INPP5A: variants seen among roughly 807,000 people sequenced by gnomAD.
INPP5A encodes inositol polyphosphate-5-phosphatase A.
INPP5A carries 14 observed loss-of-function variants against 65.2 expected under a neutral mutation model. The observed-to-expected ratio is 0.21, with a 90% confidence interval of 0.14 to 0.34. The LOEUF (loss-of-function observed/expected upper bound fraction) is 0.34, where lower values mean the gene tolerates loss of function less well. Ranked by LOEUF, INPP5A falls within the 10% of genes least tolerant of loss-of-function variation. The pLI, the probability that INPP5A is intolerant of heterozygous loss-of-function variation, is 1.00. For synonymous variants in INPP5A, 207 were observed against 208.3 expected, an observed-to-expected ratio of 0.99 and a Z score of 0.05; for missense variants, 431 against 545.6, an observed-to-expected ratio of 0.79 and a Z score of 2.09.
intron 5 of INPP5A, among the ~76,000 whole-genome samples, chr10:132,691,830 T>TCGCGGGAGACGTGC (rs1845270232): frequency 1.4e-5 from 2 of 145,152 alleles, no homozygotes; most frequent in South Asian, 2.1e-4. Flanking sequence ...GGGAGACGTG[T>TCGCGGGAGACGTGC]GGTCGCGGGA....
At chr10:132,713,272 C>T (rs1845682438) in intron 8 of INPP5A, among the ~76,000 whole-genome samples, 1 of 152,000 alleles carries the variant, frequency 6.6e-6, no homozygotes, top group South Asian at 2.1e-4. Context: ...AAGTGTGTAC[C>T]TGTCATAGCT....
chr10:132,765,202 G>A (rs1466939443), intron 11 of INPP5A, among the ~76,000 whole-genome samples: 2 of 152,204 alleles, frequency 1.3e-5, no homozygotes, highest in Non-Finnish European at 2.9e-5. Context: ...TGCAGGTGTG[G>A]GAGGTGATGC....
chr10:132,712,394 C>T (rs556806268), intron 8 of INPP5A, among the ~76,000 whole-genome samples: 7 of 151,236 alleles, frequency 4.6e-5, no homozygotes, highest in Admixed American at 1.3e-4. Flanking sequence ...CTTGTGTGTG[C>T]ATGTGTGGGT....
chr10:132,588,221 G>C (rs572467282), intron 1 of INPP5A, among the ~76,000 whole-genome samples: 2 of 152,330 alleles, frequency 1.3e-5, no homozygotes, highest in African/African-American at 4.8e-5. Context: ...TCTCTCATCA[G>C]AAGGTATCTG....
chr10:132,668,560 T>C (rs2072837703), intron 4 of INPP5A, among the ~76,000 whole-genome samples: 1 of 152,238 alleles, frequency 6.6e-6, no homozygotes, highest in South Asian at 2.1e-4. Flanking sequence ...TCTTGATCAC[T>C]ATCCATAATG....
chr10:132,736,468 G>C (rs1166109171), intron 9 of INPP5A, among the ~76,000 whole-genome samples: 1 of 152,260 alleles, frequency 6.6e-6, no homozygotes, highest in Non-Finnish European at 1.5e-5. Context: ...AATGGCCGTT[G>C]GGGGCGTTGA....
intron 2 of INPP5A, among the ~76,000 whole-genome samples, chr10:132,611,817 TGCGG>T (rs2071957065): frequency 9.0e-6 from 1 of 111,350 alleles, no homozygotes. Context: ...CAGAGGAGGG[TGCGG>T]GAGGTGAGGA....
At chr10:132,645,705 G>A (rs1022935152) in intron 2 of INPP5A, among the ~76,000 whole-genome samples, 163 bp from the exon 3 acceptor site, 5 of 152,208 alleles carry the variant, frequency 3.3e-5, no homozygotes, top group African/African-American at 2.4e-5. Flanking sequence ...CAAAGGCGAC[G>A]TGACTCCTAG....
At chr10:132,742,993 G>A (rs1399724430) in intron 9 of INPP5A, among the ~76,000 whole-genome samples, 1 of 152,178 alleles carries the variant, frequency 6.6e-6, no homozygotes, top group African/African-American at 2.4e-5. Context: ...CTTTGTCCCC[G>A]GCCATTGTTT....
At chr10:132,769,671 G>C (rs1042264226) in intron 12 of INPP5A, among the ~76,000 whole-genome samples, 3 of 152,222 alleles carry the variant, frequency 2.0e-5, no homozygotes, top group African/African-American at 7.2e-5. Context: ...AGCCCTTAGT[G>C]GTGAGCAGAG....
intron 1 of INPP5A, among the ~76,000 whole-genome samples, chr10:132,600,558 G>T (rs2071762317): frequency 6.6e-6 from 1 of 152,142 alleles, no homozygotes; most frequent in Non-Finnish European, 1.5e-5. Context: ...TCCAACCTCT[G>T]CCTGTTATGC....
chr10:132,690,061 CGCGGGACCTGCGCCCCT>C (rs1372484405), intron 4 of INPP5A, among the ~76,000 whole-genome samples: 151 of 151,214 alleles, frequency 1.0e-3, no homozygotes, highest in African/African-American at 3.6e-3. Flanking sequence ...ATGCCCAGCC[CGCGGGACCTGCGCCCCT>C]GCTGGAGCCA....
At chr10:132,728,238 C>T (rs748334845) in intron 9 of INPP5A, among the ~76,000 whole-genome samples, 4 of 152,216 alleles carry the variant, frequency 2.6e-5, no homozygotes, top group Non-Finnish European at 5.9e-5. Flanking sequence ...CTGAGGAGCA[C>T]ATGGAGTTTT....
Position 132,658,954 on chromosome 10 carries a change from C to T in INPP5A, c.306+8449C>T, listed in dbSNP as rs552040166. 1.8e-3 allele frequency among the ~76,000 whole-genome samples: 270 copies of T among 152,158 alleles called. 1 individual carries two copies. The highest frequency in any genetic ancestry group is 3.4e-3 in the Non-Finnish European group (228 of 68,006). ...GGTGCCGCCAGCATCTGCGCTTCCT[C>T]GTGGGTGCTCAACAGGCTGCCTGGG... On this transcript the variant is annotated intron_variant, in intron 4 of 15. Coordinates refer to ENST00000368594, the MANE Select transcript of INPP5A (RefSeq NM_005539.5).
chr10:132,541,907 G>T (rs1389997224), intron 1 of INPP5A, among the ~76,000 whole-genome samples: 1 of 152,258 alleles, frequency 6.6e-6, no homozygotes, highest in African/African-American at 2.4e-5. Context: ...GAGCCCTGCA[G>T]CTGGTCTTTA....
chr10:132,588,839 T>C (rs748968241), intron 1 of INPP5A, among the ~76,000 whole-genome samples: 1 of 152,098 alleles, frequency 6.6e-6, no homozygotes, highest in Non-Finnish European at 1.5e-5. Flanking sequence ...CACTGTTTCT[T>C]GGAGTGTGGG....
chr10:132,554,865 G>C (rs1311422235), intron 1 of INPP5A, among the ~76,000 whole-genome samples: 1 of 150,080 alleles, frequency 6.7e-6, no homozygotes, highest in East Asian at 2.0e-4. Context: ...CAATGTGGGT[G>C]GTGTGGTTGG....
At chr10:132,780,954 A>G in intron 14 of INPP5A, 37 bp downstream of exon 14, 1 of 868,882 alleles carries the variant, frequency 1.2e-6, no homozygotes. Context: ...AGGCTGGGGG[A>G]CCAAGGGGAA....
chr10:132,617,133 T>C (rs1332417961), intron 2 of INPP5A, among the ~76,000 whole-genome samples: 2 of 152,214 alleles, frequency 1.3e-5, no homozygotes, highest in African/African-American at 4.8e-5. Flanking sequence ...CCCTGGTTGG[T>C]GGCTGTATTG....
Sources: gnomAD v4.1 joint callset for allele counts (sites outside exome capture counted in the v4.1 genomes callset) on GRCh38, gnomAD v4.1.1 for gene constraint, MANE v1.5 for transcripts, NCBI Gene and HGNC (gene_info 2026-07-23, HGNC 2026-07-21) for gene names.